The following FAM20B variants were observed in gnomAD, a reference collection of about 807,000 sequenced individuals.
FAM20B encodes glycosaminoglycan xylosylkinase.
FAM20B carries 23 observed loss-of-function variants against 43.8 expected under a neutral mutation model. The ratio of observed to expected loss-of-function variants is 0.53; its 90% CI spans 0.38 to 0.74. FAM20B has a LOEUF of 0.74. Among genes scored for constraint, FAM20B ranks in the 30% least tolerant of loss-of-function variants. The probability of loss-of-function intolerance (pLI) is 0.00; values close to 1 mark genes in which losing one functional copy is unlikely to be tolerated. For synonymous variants in FAM20B, 178 were observed against 192.4 expected (o/e 0.93, Z 0.62); for missense variants, 440 against 510.5 (o/e 0.86, Z 1.33).
intron 1 of FAM20B, among the ~76,000 whole-genome samples, chr1:179,037,777 G>A (rs1349619992): frequency 2.0e-5 from 3 of 152,062 alleles, no homozygotes; most frequent in African/African-American, 4.8e-5. Context: ...GTGAGGCACT[G>A]TCCCCAGCCA....
intron 1 of FAM20B, among the ~76,000 whole-genome samples, chr1:179,031,518 T>A (rs1033884965): frequency 1.2e-4 from 19 of 152,380 alleles, no homozygotes; most frequent in African/African-American, 4.6e-4. Context: ...AGTTATTGCC[T>A]ATTTCATTTT....
upstream of FAM20B, among the ~76,000 whole-genome samples, chr1:179,025,154 C>T (rs989126394): frequency 3.9e-5 from 6 of 152,238 alleles, no homozygotes; most frequent in African/African-American, 7.2e-5. Flanking sequence ...AAGGCAGAAT[C>T]TTTCATTCAC....
intron 6 of FAM20B, among the ~76,000 whole-genome samples, chr1:179,065,583 A>G (rs963931186): frequency 2.0e-5 from 3 of 152,220 alleles, no homozygotes; most frequent in Non-Finnish European, 4.4e-5. Context: ...TTTGCTAATG[A>G]TGCCACCATC....
At chr1:179,041,606 G>A (rs1228499942) in intron 1 of FAM20B, among the ~76,000 whole-genome samples, 1 of 151,974 alleles carries the variant, frequency 6.6e-6, no homozygotes, top group Non-Finnish European at 1.5e-5. Context: ...GGCATCAGAG[G>A]GAGACCGTGG....
At chr1:179,033,716 G>T (rs1038221206) in intron 1 of FAM20B, among the ~76,000 whole-genome samples, 13 of 151,886 alleles carry the variant, frequency 8.6e-5, no homozygotes, top group African/African-American at 2.9e-4. Context: ...TTTCTTTTGA[G>T]ACAGTCTTGC....
chr1:179,039,939 C>T (rs986894308), intron 1 of FAM20B, among the ~76,000 whole-genome samples: 7 of 152,052 alleles, frequency 4.6e-5, no homozygotes, highest in African/African-American at 1.5e-4. Flanking sequence ...TGACTCTTAA[C>T]GAGCATGCTG....
intron 4 of FAM20B, among the ~76,000 whole-genome samples, chr1:179,058,317 T>C (rs1317346628): frequency 1.3e-5 from 2 of 152,212 alleles, no homozygotes; most frequent in Non-Finnish European, 2.9e-5. Flanking sequence ...AATACAAATA[T>C]GACGGTTTGC....
intron 4 of FAM20B, among the ~76,000 whole-genome samples, chr1:179,056,305 C>G (rs891979682): frequency 1.3e-5 from 2 of 152,242 alleles, no homozygotes; most frequent in African/African-American, 4.8e-5. Flanking sequence ...TTCTCCACCC[C>G]TCTCTCCAAT....
chr1:179,031,352 G>C (rs1449228434), intron 1 of FAM20B, among the ~76,000 whole-genome samples: 1 of 152,182 alleles, frequency 6.6e-6, no homozygotes, highest in African/African-American at 2.4e-5. Flanking sequence ...CAAGATTACT[G>C]CGTGTGTTGG....
chr1:179,020,969 G>T (rs1218615783), upstream of FAM20B, among the ~76,000 whole-genome samples: 1 of 152,206 alleles, frequency 6.6e-6, no homozygotes, highest in African/African-American at 2.4e-5. Context: ...TACTCGGGAG[G>T]CTGAGGCAGG....
chr1:179,053,056 G>A (rs1003096211), intron 3 of FAM20B, among the ~76,000 whole-genome samples: 1 of 152,140 alleles, frequency 6.6e-6, no homozygotes, highest in Non-Finnish European at 1.5e-5. Flanking sequence ...GAGTATTTGT[G>A]TACTTTTGAT....
chr1:179,043,706 G>T lies in FAM20B; in HGVS notation c.-133-9G>T. The T allele has an allele frequency of 1.2e-6, 1 of 820,108 alleles. No homozygotes were observed. The highest frequency in any genetic ancestry group is 2.2e-5 in the South Asian group (1 of 46,202). 50.8% of individuals were successfully genotyped at this position (820,108 alleles called of 1,614,324 possible). ...TTGATCAAATTTTGCTTTGTACTTGGGCTTGCAGGAACTGTGGAAGGTGCA... is the reference window on the plus strand; with the variant it reads ...TTGATCAAATTTTGCTTTGTACTTGTGCTTGCAGGAACTGTGGAAGGTGCA... On this transcript the variant is annotated splice_polypyrimidine_tract_variant and intron_variant, in intron 1 of 7. Transcript: ENST00000263733.
chr1:179,072,028 C>G lies in FAM20B; in HGVS notation c.1114C>G (p.Leu372Val). 3 of 1,614,214 alleles carry G rather than the reference C, an allele frequency of 1.9e-6. No homozygotes were observed. Among genetic ancestry groups the G allele is most frequent in the South Asian group, 2.2e-5 (2 of 91,078 alleles). The change falls in exon 8 of 8, where the codon CTG becomes GTG. Residue 372 changes from leucine (L) to valine (V), a missense_variant. Transcript: ENST00000263733. Reference sequence around the variant, plus strand: ...CTCCCCAGTGCTCTCTGATCCTCATCTGGACGCCGTGGACCAGCGGCTCCT... The same window carrying G: ...CTCCCCAGTGCTCTCTGATCCTCATGTGGACGCCGTGGACCAGCGGCTCCT... ...PISPVLSDPH[L>V]DAVDQRLLSV...
intron 2 of FAM20B, among the ~76,000 whole-genome samples, chr1:179,046,768 C>T (rs184145760): frequency 2.0e-5 from 3 of 151,870 alleles, no homozygotes; most frequent in African/African-American, 4.8e-5. Flanking sequence ...TTTGGGAGGC[C>T]GAGGCGGGCG....
At chr1:179,047,103 A>G (rs960575066) in intron 2 of FAM20B, among the ~76,000 whole-genome samples, 1 of 152,248 alleles carries the variant, frequency 6.6e-6, no homozygotes, top group Non-Finnish European at 1.5e-5. Flanking sequence ...AAGAGCGTGC[A>G]GTGTTAGACC....
At chr1:179,050,257 G>A (rs1157913439) in intron 2 of FAM20B, 22 bp from the exon 3 acceptor site, 4 of 1,569,804 alleles carry the variant, frequency 2.5e-6, no homozygotes, top group Middle Eastern at 1.7e-4. Flanking sequence ...GTATACATCT[G>A]TGCTTCCCAT....
chr1:179,036,932 GAA>G (rs1168625225), intron 1 of FAM20B, among the ~76,000 whole-genome samples: 1 of 152,176 alleles, frequency 6.6e-6, no homozygotes, highest in Non-Finnish European at 1.5e-5. Flanking sequence ...AATGTTAAGA[GAA>G]AGAGGAATTT....
chr1:179,026,867 C>A (rs942938711), intron 1 of FAM20B, among the ~76,000 whole-genome samples: 1 of 152,224 alleles, frequency 6.6e-6, no homozygotes, highest in East Asian at 1.9e-4. Flanking sequence ...AATCTGACTT[C>A]TGTTAACCTG....
At chr1:179,071,855 C>A in intron 7 of FAM20B, 58 bp from the exon 8 acceptor site, 2 of 1,232,912 alleles carry the variant, frequency 1.6e-6, no homozygotes, top group Non-Finnish European at 1.2e-6. Flanking sequence ...AGCAGGCTTT[C>A]AACTCCGTTT....
Sources: allele counts gnomAD v4.1 joint callset (sites outside exome capture counted in the v4.1 genomes callset), GRCh38; gene constraint gnomAD v4.1.1; transcripts MANE v1.5; gene names NCBI Gene and HGNC (gene_info 2026-07-23, HGNC 2026-07-21).